Variants in GLIS1 observed in about 807,000 individuals in gnomAD.
GLIS1 encodes zinc finger protein GLIS1.
GLIS1 carries 24 observed loss-of-function variants against 63.8 expected under a neutral mutation model. The ratio of observed to expected loss-of-function variants is 0.38; its 90% CI spans 0.27 to 0.53. The LOEUF (loss-of-function observed/expected upper bound fraction) is 0.53. Among genes scored for constraint, GLIS1 ranks in the 20% least tolerant of loss-of-function variants. The pLI is 0.85. For synonymous variants in GLIS1, 450 were observed against 482.5 expected, an observed-to-expected ratio of 0.93 and a Z score of 0.88; for missense variants, 1,036 against 1,074.1, an observed-to-expected ratio of 0.96 and a Z score of 0.50.
At chr1:53,597,714 G>A (rs555324571) in intron 3 of GLIS1, among the ~76,000 whole-genome samples, 2 of 152,222 alleles carry the variant, frequency 1.3e-5, no homozygotes, top group South Asian at 4.2e-4. Flanking sequence ...GGGGCTGGGG[G>A]TCTGTTTTTC....
chr1:53,509,378 T>A, intron 9 of GLIS1, 91 bp from the exon 10 acceptor site: 1 of 1,286,938 alleles, frequency 7.8e-7, no homozygotes, highest in Non-Finnish European at 1.1e-6. Context: ...CCACCTCCCG[T>A]GTTGTCCTGT....
chr1:53,718,897 G>A (rs1646725556), intron 2 of GLIS1, among the ~76,000 whole-genome samples: 1 of 152,152 alleles, frequency 6.6e-6, no homozygotes, highest in Non-Finnish European at 1.5e-5. Flanking sequence ...CCTCAGGCCT[G>A]CCAGGTTCAG....
intron 2 of GLIS1, among the ~76,000 whole-genome samples, chr1:53,682,190 G>A (rs1449352043): frequency 6.6e-6 from 1 of 152,156 alleles, no homozygotes; most frequent in African/African-American, 2.4e-5. Context: ...CTACACAGCC[G>A]CTCACCACCG....
chr1:53,534,422 T>G (rs1441689595), intron 4 of GLIS1, among the ~76,000 whole-genome samples: 1 of 152,076 alleles, frequency 6.6e-6, no homozygotes, highest in Non-Finnish European at 1.5e-5. Context: ...ACCTGCTTCC[T>G]GCTGCCAGTG....
chr1:53,667,130 G>C (rs1212496772), intron 2 of GLIS1, among the ~76,000 whole-genome samples: 1 of 152,170 alleles, frequency 6.6e-6, no homozygotes, highest in Non-Finnish European at 1.5e-5. Context: ...AGATTCGAAG[G>C]ACTAAAAGCA....
chr1:53,658,717 C>A (rs1215321818), intron 2 of GLIS1, among the ~76,000 whole-genome samples: 1 of 152,172 alleles, frequency 6.6e-6, no homozygotes, highest in East Asian at 1.9e-4. Context: ...TGCTCACATG[C>A]CTGGCTCCCT....
intron 2 of GLIS1, among the ~76,000 whole-genome samples, chr1:53,681,250 A>G (rs1030330179): frequency 6.6e-6 from 1 of 152,270 alleles, no homozygotes; most frequent in Non-Finnish European, 1.5e-5. Context: ...GGTTATGAGT[A>G]GATGGCATGC....
intron 3 of GLIS1, among the ~76,000 whole-genome samples, chr1:53,597,823 A>G (rs1645274881): frequency 6.6e-6 from 1 of 152,188 alleles, no homozygotes; most frequent in African/African-American, 2.4e-5. Context: ...GCCGGCGTAG[A>G]ATTCTACACA....
chr1:53,700,639 CA>C (rs1646513784), intron 2 of GLIS1, among the ~76,000 whole-genome samples: 1 of 152,144 alleles, frequency 6.6e-6, no homozygotes, highest in Non-Finnish European at 1.5e-5. Context: ...ATTCACATAT[CA>C]CAAGATTCAC....
chr1:53,665,974 A>C lies in GLIS1; in HGVS notation c.260-65696T>G, dbSNP rs1570013573. ...ACAGGGAAAGAGAAAATGGGTATTA[A>C]CTCATTTAATCCTCATGACAATCCT... On this transcript the variant is annotated intron_variant, in intron 2 of 10. Coordinates refer to ENST00000628545, the MANE Select transcript of GLIS1 (RefSeq NM_001367484.1). 3.3e-5 allele frequency among the ~76,000 whole-genome samples: 5 copies of C among 152,224 alleles called. No homozygotes were observed. In the South Asian group the frequency reaches 1.0e-3, roughly 32 times the overall value.
chr1:53,527,019 C>T (rs920345368), intron 5 of GLIS1, among the ~76,000 whole-genome samples: 2 of 152,230 alleles, frequency 1.3e-5, no homozygotes, highest in African/African-American at 2.4e-5. Context: ...CTGCTGGGAG[C>T]GCTCCCCTGT....
intron 4 of GLIS1, among the ~76,000 whole-genome samples, chr1:53,549,714 C>G (rs2100397752): frequency 6.6e-6 from 1 of 152,326 alleles, no homozygotes; most frequent in Admixed American, 6.5e-5. Flanking sequence ...CAATTTTGAG[C>G]TGAAACAACA....
chr1:53,524,909 T>G, intron 5 of GLIS1, 22 bp from the exon 6 acceptor site: 20 of 1,541,586 alleles, frequency 1.3e-5, no homozygotes, highest in Non-Finnish European at 1.7e-5. Context: ...GGGGCACGGG[T>G]GGGGTGAGTG....
intron 2 of GLIS1, chr1:53,734,034 C>A: frequency 1.0e-6 from 1 of 985,050 alleles, no homozygotes; most frequent in Non-Finnish European, 1.2e-6. Context: ...GCCCCCACTC[C>A]GAGTCCATGC....
intron 6 of GLIS1, among the ~76,000 whole-genome samples, chr1:53,522,303 T>G (rs1427769291): frequency 1.3e-5 from 2 of 152,230 alleles, no homozygotes; most frequent in Non-Finnish European, 2.9e-5. Context: ...TCTTAATGGA[T>G]GCTTATTGTT....
chr1:53,509,576 A>G (rs1023539427), intron 9 of GLIS1, among the ~76,000 whole-genome samples: 2 of 152,042 alleles, frequency 1.3e-5, no homozygotes, highest in African/African-American at 2.4e-5. Context: ...CAGGCGCTCA[A>G]TCCCGCTCAC....
In GLIS1 at chr1:53,576,037, CAG is replaced by C. The variant is rs1303623257; in HGVS notation, c.1320+18069_1320+18070del. ...CTTAGCAAAACACCCTCAGAGGAGA[CAG>C]ACTTGCTTTCTCTGCCTCCTCACCT... On this transcript the variant is annotated intron_variant, in intron 4 of 10. Transcript: ENST00000628545. 3.3e-5 allele frequency among the ~76,000 whole-genome samples: 5 copies of C among 152,246 alleles called. No homozygotes were observed. In the South Asian group the frequency reaches 8.3e-4, roughly 25 times the overall value.
intron 4 of GLIS1, among the ~76,000 whole-genome samples, chr1:53,534,107 C>T (rs1159175801): frequency 6.6e-6 from 1 of 151,992 alleles, no homozygotes; most frequent in Non-Finnish European, 1.5e-5. Flanking sequence ...GGCCCCCATC[C>T]ATAGGCTGTG....
In GLIS1 at chr1:53,739,101, T is replaced by G. The variant is rs542968760; in HGVS notation, c.-43+4A>C. On this transcript the variant is annotated splice_donor_region_variant and intron_variant, in intron 1 of 10. Transcript: ENST00000628545. ...CCTCGGCCGCGGGCCGCGCCCCCTC[T>G]CACCTCGCAGCGGCAGCTGCAGATC... Among the ~76,000 whole-genome samples, 105 of 149,370 alleles carry G rather than the reference T, an allele frequency of 7.0e-4. No individual in the cohort carries two copies. The highest frequency in any genetic ancestry group is 2.4e-3 in the African/African-American group (99 of 41,098).
Sources: allele counts gnomAD v4.1 joint callset (sites outside exome capture counted in the v4.1 genomes callset), GRCh38; gene constraint gnomAD v4.1.1; transcripts MANE v1.5; gene names NCBI Gene and HGNC (gene_info 2026-07-23, HGNC 2026-07-21).